NOS1: variants seen among roughly 807,000 people sequenced by gnomAD.
NOS1 encodes the protein nitric oxide synthase 1, also known as NOS type I.
A neutral mutation model predicts 164.5 loss-of-function variants in NOS1; 51 were observed. That is an observed-to-expected ratio of 0.31 (90% CI 0.25 to 0.39). NOS1 has a LOEUF of 0.39. Among genes scored for constraint, NOS1 ranks in the 10% least tolerant of loss-of-function variants. NOS1 has a pLI of 1.00. For missense variants in NOS1, 1,362 were observed against 1,885.6 expected (o/e 0.72, Z 5.14); for synonymous variants, 719 against 745.8 (o/e 0.96, Z 0.59).
rs990100003 is a variant in NOS1 at position 117,232,191 on chromosome 12, G to A, written c.3236-60C>T. The A allele has an allele frequency of 2.6e-6, 4 of 1,531,628 alleles. No homozygotes were observed. In the African/African-American group the frequency reaches 5.5e-5, roughly 21 times the overall value. The allele number at this position is 1,531,628 out of a possible 1,614,324, so 94.9% of individuals were successfully genotyped here. On this transcript the variant is annotated intron_variant, in intron 21 of 28. Coordinates refer to ENST00000317775, the MANE Select transcript of NOS1 (RefSeq NM_000620.5). ...GGGAGGGCTTGAGTCCAAGTCGGGG[G>A]TTCAGGTCTGCTCCTGGAGCAGAGG...
In NOS1 at chr12:117,222,835, G is replaced by A; in HGVS notation, c.3855C>T (p.Val1285=). 6.2e-7 allele frequency: 1 copy of A among 1,613,952 alleles called. No individual in the cohort carries two copies. The highest frequency in any genetic ancestry group is 2.2e-5 in the East Asian group (1 of 44,856). The part of the protein sequence containing the change: ...KGMNPCPMVL[V]FGCRQSKIDH... ...CTATCTTGGATTGCCGGCACCCGAA[G>A]ACCAGGACCATGGGGCAGGGGTTCA... The change falls in exon 26 of 29, where the codon GTC becomes GTT. Residue 1285 remains valine (V), a synonymous_variant. Coordinates refer to ENST00000317775, the MANE Select transcript of NOS1 (RefSeq NM_000620.5).
chr12:117,275,439 C>A (rs1308961850), intron 9 of NOS1, among the ~76,000 whole-genome samples: 1 of 151,754 alleles, frequency 6.6e-6, no homozygotes, highest in Non-Finnish European at 1.5e-5. Flanking sequence ...TAGGTAGAAG[C>A]TACAAAAAAA....
intron 28 of NOS1, 78 bp from the exon 29 acceptor site, chr12:117,215,402 T>A (rs1359063402): frequency 7.1e-7 from 1 of 1,405,238 alleles, no homozygotes. Flanking sequence ...CCAGAGAAAA[T>A]CACCCATGCT....
rs866042477 is a variant in NOS1, at chr12:117,261,205, A to T, written c.2223-596T>A. The stretch of plus-strand genomic sequence containing the variant: ...AAAAAAAAAAAAAAAAAAAAAAAAA[A>T]TCCCACCAGAGCAATTAGTCATGAA... On this transcript the variant is annotated intron_variant, in intron 13 of 28. Coordinates refer to ENST00000317775, the MANE Select transcript of NOS1 (RefSeq NM_000620.5). 2.7e-3 allele frequency among the ~76,000 whole-genome samples: 385 copies of T among 143,992 alleles called. 1 individual carries two copies. The highest frequency in any genetic ancestry group is 7.9e-3 in the African/African-American group (302 of 38,358). The allele number at this position is 143,992 out of a possible 152,430, so 94.5% of individuals were successfully genotyped here.
intron 1 of NOS1, among the ~76,000 whole-genome samples, chr12:117,337,955 C>T (rs1875916725): frequency 6.6e-6 from 1 of 152,128 alleles, no homozygotes; most frequent in Non-Finnish European, 1.5e-5. Flanking sequence ...TGGCTCACAC[C>T]TGTAATCCCA....
At chr12:117,239,539 C>T (rs1869994364) in intron 20 of NOS1, among the ~76,000 whole-genome samples, 1 of 152,192 alleles carries the variant, frequency 6.6e-6, no homozygotes, top group Admixed American at 6.5e-5. Context: ...GGATCACCCT[C>T]AAAAGGCTGC....
chr12:117,260,118 CAA>C lies in NOS1; in HGVS notation c.2367+345_2367+346del, dbSNP rs60261967. 8.6e-4 allele frequency among the ~76,000 whole-genome samples: 100 copies of C among 115,816 alleles called. 2 individuals carry two copies. Among genetic ancestry groups the C allele is most frequent in the Middle Eastern group, 4.8e-3 (1 of 210 alleles). The allele number at this position is 115,816 out of a possible 152,430, so 76.0% of individuals were successfully genotyped here. On this transcript the variant is annotated intron_variant, in intron 14 of 28. Coordinates refer to ENST00000317775, the MANE Select transcript of NOS1 (RefSeq NM_000620.5). Reference sequence around the variant, plus strand: ...TGGGTGACAGAGTGAAACTCCTTCTCAAAAAAAAAAAAAAACAAAAAACAAAA... The same window carrying C: ...TGGGTGACAGAGTGAAACTCCTTCTCAAAAAAAAAAAAACAAAAAACAAAA...
In NOS1 at chr12:117,357,414, T is replaced by C. The variant is rs190784973; in HGVS notation, c.-421+4098A>G. ...TAATTTAGAATAACAACCAGAAAGA[T>C]GAAATTAAATTTCTTTAAAGTCCGG... On this transcript the variant is annotated intron_variant, in intron 1 of 28. Transcript: ENST00000317775. Among the ~76,000 whole-genome samples the C allele has an allele frequency of 6.6e-5, 10 of 152,350 alleles. No homozygotes were observed. In the East Asian group the frequency reaches 1.7e-3, roughly 26 times the overall value.
chr12:117,305,738 T>C (rs919203762), intron 3 of NOS1, among the ~76,000 whole-genome samples: 2 of 151,568 alleles, frequency 1.3e-5, no homozygotes, highest in Non-Finnish European at 2.9e-5. Context: ...GAGAGGCATT[T>C]GGAAAATTGA....
intron 9 of NOS1, among the ~76,000 whole-genome samples, chr12:117,274,002 A>G (rs1379390018): frequency 6.6e-6 from 1 of 152,250 alleles, no homozygotes; most frequent in Non-Finnish European, 1.5e-5. Context: ...TGCAGAGCAA[A>G]GAAACAAGCA....
chr12:117,291,529 CTTTTTTT>C (rs565345654), intron 3 of NOS1, among the ~76,000 whole-genome samples: 2 of 97,374 alleles, frequency 2.1e-5, no homozygotes, highest in African/African-American at 8.1e-5. Context: ...TTACATCTGT[CTTTTTTT>C]TTTTTTTTTT....
Position 117,335,344 on chromosome 12 carries a change from G to A in NOS1, c.-420-3855C>T, listed in dbSNP as rs558815191. ...AGAATTGCCTGAGAGCCCTGCCTCC[G>A]CCCTCAGGAGCTGGGATTTTAAACA... On this transcript the variant is annotated intron_variant, in intron 1 of 28. Coordinates refer to ENST00000317775, the MANE Select transcript of NOS1 (RefSeq NM_000620.5). 8.5e-5 allele frequency among the ~76,000 whole-genome samples: 13 copies of A among 152,224 alleles called. No individual in the cohort carries two copies. In the East Asian group the frequency reaches 1.2e-3, roughly 14 times the overall value.
chr12:117,314,794 A>G (rs910280242), intron 2 of NOS1, among the ~76,000 whole-genome samples: 2 of 152,034 alleles, frequency 1.3e-5, no homozygotes, highest in African/African-American at 4.8e-5. Context: ...TTTAGTAGAG[A>G]TGGGGTTTCA....
intron 1 of NOS1, among the ~76,000 whole-genome samples, chr12:117,361,302 T>C (rs1050324663): frequency 6.6e-6 from 1 of 151,146 alleles, no homozygotes; most frequent in African/African-American, 2.4e-5. Context: ...ACTCGCCTCC[T>C]GGTAGGAGCC....
chr12:117,234,698 A>G lies in NOS1; in HGVS notation c.3102T>C (p.Pro1034=), dbSNP rs1566031900. The change falls in exon 21 of 29, where the codon CCT becomes CCC. Residue 1034 remains proline (P), a synonymous_variant. Transcript: ENST00000317775. This position sits in a 1 kb window ranked among gnomAD's most constrained non-coding sequence, Gnocchi z 4.3. ...TNGSQELQYQ[P]GDHLGVFPGN... ...CAGGGAAGACACCCAGGTGGTCCCC[A>G]GGCTGGTACTGCAGCTCCTGGCTCC... The G allele has an allele frequency of 3.1e-6, 5 of 1,614,144 alleles. No homozygotes were observed. The highest frequency in any genetic ancestry group is 4.2e-6 in the Non-Finnish European group (5 of 1,179,984).
In NOS1 at chr12:117,212,049, G is replaced by A; in HGVS notation, c.*3260C>T. ...CCACTGTACGCCAGCCTGGGTGACA[G>A]AGCAAGACTCTGTCAAAAAAAAAAA... is the stretch of plus-strand genomic sequence containing the variant. On this transcript the variant is annotated 3_prime_UTR_variant, in exon 29 of 29. Transcript: ENST00000317775. 1.0e-6 allele frequency: 1 copy of A among 954,230 alleles called. No individual in the cohort carries two copies. Among genetic ancestry groups the A allele is most frequent in the Non-Finnish European group, 1.2e-6 (1 of 806,192 alleles). 59.1% of individuals were successfully genotyped at this position (954,230 alleles called of 1,614,324 possible). A position where few individuals can be genotyped will look rare whatever the true frequency, so the allele number is the denominator to read the frequency against.
intron 9 of NOS1, among the ~76,000 whole-genome samples, chr12:117,273,590 CCA>C (rs1420060497): frequency 1.1e-4 from 16 of 152,110 alleles, no homozygotes; most frequent in African/African-American, 3.9e-4. Flanking sequence ...ATGGCAAAAA[CCA>C]CAGTTACTTT....
chr12:117,211,578 A>C lies in NOS1; in HGVS notation c.*3731T>G. 1 of 985,494 alleles carries C rather than the reference A, an allele frequency of 1.0e-6. No homozygotes were observed. The highest frequency in any genetic ancestry group is 4.7e-5 in the South Asian group (1 of 21,282). 61.0% of individuals were successfully genotyped at this position (985,494 alleles called of 1,614,324 possible). A position where few individuals can be genotyped will look rare whatever the true frequency, so the allele number is the denominator to read the frequency against. The stretch of plus-strand genomic sequence containing the variant: ...TCTCCCCACGGTCTGGTCCCAGCCC[A>C]CCTTTTCTCACCCTCCTCAGCCTTC... On this transcript the variant is annotated 3_prime_UTR_variant, in exon 29 of 29. Coordinates refer to ENST00000317775, the MANE Select transcript of NOS1 (RefSeq NM_000620.5).
intron 20 of NOS1, among the ~76,000 whole-genome samples, chr12:117,240,305 G>T (rs1236354538): frequency 1.3e-5 from 2 of 152,194 alleles, no homozygotes; most frequent in African/African-American, 4.8e-5. Context: ...GAATCTAAGA[G>T]AGAATATGAG....
Sources: gnomAD v4.1 joint callset for allele counts (sites outside exome capture counted in the v4.1 genomes callset) on GRCh38, gnomAD v4.1.1 for gene constraint, Gnocchi (gnomAD v3.1) non-coding constraint, MANE v1.5 for transcripts, NCBI Gene and HGNC (gene_info 2026-07-23, HGNC 2026-07-21) for gene names.